TEKTL1: variants seen among roughly 807,000 people sequenced by gnomAD.
TEKTL1 encodes the protein tektin-like protein 1.
chr19:15,020,413 C>T, the TEKTL1 span: 2 of 1,552,104 alleles, frequency 1.3e-6, no homozygotes, highest in East Asian at 2.3e-5. Context: ...ATCCACTTCC[C>T]TCAACCTCCC....
At chr19:15,022,750 C>A in the TEKTL1 span, 4 of 1,002,482 alleles carry the variant, frequency 4.0e-6, no homozygotes, top group Non-Finnish European at 2.8e-6. Context: ...CACACCTGGC[C>A]CATTCAGATG....
the TEKTL1 span, chr19:15,021,482 C>T: frequency 2.5e-6 from 4 of 1,614,190 alleles, no homozygotes; most frequent in African/African-American, 1.3e-5. Flanking sequence ...GTGTGTGCCT[C>T]GCTGGCGCAG....
At chr19:15,011,882 C>A in the TEKTL1 span, among the ~76,000 whole-genome samples, 143 of 152,118 alleles carry the variant, frequency 9.4e-4, no homozygotes, top group African/African-American at 3.4e-3. Flanking sequence ...TGAGTCCAGG[C>A]CTTCCAGGTT....
chr19:15,010,895 G>C, the TEKTL1 span: 1 of 1,567,038 alleles, frequency 6.4e-7, no homozygotes, highest in Non-Finnish European at 8.6e-7. Flanking sequence ...ATGGCGCGAG[G>C]CAGCTCAGGC....
At chr19:15,014,731 C>CG in the TEKTL1 span, among the ~76,000 whole-genome samples, 148 of 11,740 alleles carry the variant, frequency 0.013, 4 homozygotes, top group African/African-American at 0.028. Flanking sequence ...AGTGGGGGGG[C>CG]GGGGGGCGGG....
the TEKTL1 span, chr19:15,021,762 C>G: frequency 0.86 from 1,380,789 of 1,612,342 alleles, 591,810 homozygotes; most frequent in Admixed American, 0.89. Flanking sequence ...GTGCCGGTGG[C>G]TGGAGGCTGG....
chr19:15,020,517 C>T, the TEKTL1 span: 9 of 1,613,900 alleles, frequency 5.6e-6, no homozygotes, highest in African/African-American at 2.7e-5. Flanking sequence ...GGCTCCAAGC[C>T]GTGGACCTCA....
At chr19:15,016,901 A>G in the TEKTL1 span, among the ~76,000 whole-genome samples, 1 of 152,048 alleles carries the variant, frequency 6.6e-6, no homozygotes, top group Non-Finnish European at 1.5e-5. Context: ...AAATTTATCA[A>G]CTCCTTAACA....
the TEKTL1 span, among the ~76,000 whole-genome samples, chr19:15,016,501 G>C: frequency 6.6e-6 from 1 of 152,144 alleles, no homozygotes; most frequent in African/African-American, 2.4e-5. Flanking sequence ...CTGCTGTCTT[G>C]CTGGTCACTG....
At chr19:15,022,963 C>G in the TEKTL1 span, 1 of 1,613,404 alleles carries the variant, frequency 6.2e-7, no homozygotes, top group Non-Finnish European at 8.5e-7. Context: ...GGGGCCTCAA[C>G]TGCAAGAACA....
the TEKTL1 span, among the ~76,000 whole-genome samples, chr19:15,015,696 C>T: frequency 6.7e-6 from 1 of 150,302 alleles, no homozygotes; most frequent in Non-Finnish European, 1.5e-5. Flanking sequence ...GAGCAAGATT[C>T]TATATAAATG....
chr19:15,017,123 G>A, the TEKTL1 span, among the ~76,000 whole-genome samples: 1 of 152,182 alleles, frequency 6.6e-6, no homozygotes, highest in Non-Finnish European at 1.5e-5. Flanking sequence ...TTAGGAGGCT[G>A]AGCTGAGAGG....
the TEKTL1 span, among the ~76,000 whole-genome samples, chr19:15,012,254 C>A: frequency 6.6e-6 from 1 of 151,742 alleles, no homozygotes; most frequent in Non-Finnish European, 1.5e-5. Context: ...CAGTGAGATC[C>A]CATCTCTCCA....
the TEKTL1 span, among the ~76,000 whole-genome samples, chr19:15,018,671 C>G: frequency 7.7e-6 from 1 of 129,224 alleles, no homozygotes; most frequent in African/African-American, 2.8e-5. Context: ...TGTGATCATG[C>G]CACTGCACTC....
the TEKTL1 span, chr19:15,010,883 G>A: frequency 6.4e-7 from 1 of 1,561,904 alleles, no homozygotes; most frequent in Non-Finnish European, 8.7e-7. Flanking sequence ...TGGGGCCCCA[G>A]CATGGCGCGA....
the TEKTL1 span, chr19:15,010,895 G>A: frequency 6.4e-7 from 1 of 1,567,038 alleles, no homozygotes; most frequent in Non-Finnish European, 8.6e-7. Flanking sequence ...ATGGCGCGAG[G>A]CAGCTCAGGC....
the TEKTL1 span, among the ~76,000 whole-genome samples, chr19:15,019,988 A>G: frequency 2.7e-5 from 4 of 147,824 alleles, no homozygotes; most frequent in Non-Finnish European, 4.5e-5. Flanking sequence ...ATATATACCC[A>G]TAAGTAAAAA....
chr19:15,011,424 G>A, the TEKTL1 span: 1 of 1,401,076 alleles, frequency 7.1e-7, no homozygotes, highest in Middle Eastern at 1.9e-4. Flanking sequence ...CCCAACCCCA[G>A]CCTAACTGCA....
the TEKTL1 span, chr19:15,011,443 G>A: frequency 7.3e-7 from 1 of 1,372,702 alleles, no homozygotes; most frequent in African/African-American, 1.5e-5. Context: ...CAAAGACTGA[G>A]GCCTCCGCTA....
Sources: allele counts gnomAD v4.1 joint callset (sites outside exome capture counted in the v4.1 genomes callset), GRCh38; gene constraint gnomAD v4.1.1; transcripts MANE v1.5; gene names NCBI Gene and HGNC (gene_info 2026-07-23, HGNC 2026-07-21).